Variants in THADA observed in about 807,000 individuals in gnomAD.
THADA encodes THADA armadillo repeat containing, also known as tRNA (32-2'-O)-methyltransferase regulator THADA.
Under a neutral mutation model 219.8 loss-of-function variants are expected in THADA, and 213 were observed. The observed-to-expected ratio is 0.97, with a 90% CI of 0.87 to 1.09. THADA has a LOEUF of 1.09. Among genes scored for constraint, THADA ranks in the 50% least tolerant of loss-of-function variants. The pLI is 0.00. For synonymous variants in THADA, 1,018 were observed against 828.9 expected (o/e 1.23, Z -3.92); for missense variants, 2,956 against 2,311.3 (o/e 1.28, Z -5.72).
intron 36 of THADA, among the ~76,000 whole-genome samples, chr2:43,240,846 T>A (rs1668545100): frequency 6.6e-6 from 1 of 152,156 alleles, no homozygotes; most frequent in South Asian, 2.1e-4. Context: ...ATTTAAAAAA[T>A]TTCATCAAAG....
intron 26 of THADA, among the ~76,000 whole-genome samples, chr2:43,457,251 C>T (rs528605472): frequency 1.2e-4 from 18 of 150,248 alleles, no homozygotes; most frequent in African/African-American, 4.2e-4. Context: ...TCTCACTCTC[C>T]TACTCACACA....
intron 26 of THADA, among the ~76,000 whole-genome samples, chr2:43,462,486 A>C (rs533516314): frequency 1.5e-3 from 231 of 152,332 alleles, no homozygotes; most frequent in African/African-American, 5.4e-3. Flanking sequence ...TTGATGTTTC[A>C]ATTTCAAACT....
chr2:43,337,674 C>G (rs969687948), intron 30 of THADA, among the ~76,000 whole-genome samples: 21 of 150,278 alleles, frequency 1.4e-4, no homozygotes, highest in African/African-American at 4.7e-4. Context: ...AAGGCAATAA[C>G]CCACAATCAC....
intron 26 of THADA, among the ~76,000 whole-genome samples, chr2:43,440,803 C>T (rs1005701986): frequency 1.3e-5 from 2 of 152,200 alleles, no homozygotes; most frequent in African/African-American, 4.8e-5. Flanking sequence ...GATCTAGAAA[C>T]TGCCTAATAG....
intron 22 of THADA, among the ~76,000 whole-genome samples, chr2:43,520,594 G>T (rs1289173305): frequency 6.6e-6 from 1 of 152,050 alleles, no homozygotes; most frequent in Non-Finnish European, 1.5e-5. Flanking sequence ...GGAAGCTGAG[G>T]TGAGAGGACT....
chr2:43,332,185 A>G (rs1244078144), intron 30 of THADA, among the ~76,000 whole-genome samples: 1 of 152,200 alleles, frequency 6.6e-6, no homozygotes, highest in Non-Finnish European at 1.5e-5. Context: ...TCCCAGGTTC[A>G]AACAATTCTT....
intron 28 of THADA, among the ~76,000 whole-genome samples, chr2:43,410,826 T>C (rs1676197187): frequency 6.6e-6 from 1 of 152,200 alleles, no homozygotes; most frequent in Non-Finnish European, 1.5e-5. Flanking sequence ...AAATATCAAA[T>C]TGTACACTTT....
At chr2:43,241,906 G>C (rs896035779) in intron 36 of THADA, among the ~76,000 whole-genome samples, 2 of 152,168 alleles carry the variant, frequency 1.3e-5, no homozygotes, top group African/African-American at 4.8e-5. Context: ...AGAGAACACT[G>C]AGTCCCTCAA....
chr2:43,554,710 T>C (rs917326096), intron 17 of THADA, among the ~76,000 whole-genome samples: 2 of 152,170 alleles, frequency 1.3e-5, no homozygotes, highest in Non-Finnish European at 2.9e-5. Flanking sequence ...GAGAGTGTAA[T>C]TTAAAAGCCT....
At chr2:43,473,711 C>T (rs1292583570) in intron 26 of THADA, among the ~76,000 whole-genome samples, 6 of 152,032 alleles carry the variant, frequency 3.9e-5, no homozygotes, top group Middle Eastern at 3.4e-3. Flanking sequence ...TGGGCTCAAG[C>T]GATTCTCCTG....
intron 26 of THADA, among the ~76,000 whole-genome samples, chr2:43,477,236 T>C (rs1166184172): frequency 2.0e-5 from 3 of 151,930 alleles, no homozygotes; most frequent in African/African-American, 7.3e-5. Flanking sequence ...TGGCAATATA[T>C]GTTCTTTGAG....
intron 22 of THADA, among the ~76,000 whole-genome samples, chr2:43,515,504 C>T (rs1021129366): frequency 7.0e-6 from 1 of 142,714 alleles, no homozygotes; most frequent in Non-Finnish European, 1.5e-5. Flanking sequence ...AAACAGTATA[C>T]AGAATGAAAA....
chr2:43,491,159 C>G (rs897961998), intron 25 of THADA, among the ~76,000 whole-genome samples: 5 of 152,100 alleles, frequency 3.3e-5, no homozygotes, highest in Non-Finnish European at 5.9e-5. Context: ...ATAAAGCTAA[C>G]AAGGAGGAAA....
intron 31 of THADA, among the ~76,000 whole-genome samples, chr2:43,317,139 T>G (rs1678173540): frequency 6.6e-6 from 1 of 152,200 alleles, no homozygotes; most frequent in South Asian, 2.1e-4. Flanking sequence ...GATCTAGGAT[T>G]CAAACCCAGA....
intron 22 of THADA, among the ~76,000 whole-genome samples, chr2:43,526,906 T>C (rs1270685954): frequency 6.6e-6 from 1 of 150,452 alleles, no homozygotes; most frequent in East Asian, 1.9e-4. Flanking sequence ...TGGAGTGTGT[T>C]GTGTTTTGAG....
intron 26 of THADA, among the ~76,000 whole-genome samples, chr2:43,445,671 T>A (rs961491613): frequency 6.6e-6 from 1 of 152,168 alleles, no homozygotes; most frequent in Non-Finnish European, 1.5e-5. Flanking sequence ...TTTTGGACTT[T>A]TTTTGTTTTT....
intron 17 of THADA, 108 bp downstream of exon 17, chr2:43,556,237 C>T: frequency 6.6e-7 from 1 of 1,515,994 alleles, no homozygotes; most frequent in Non-Finnish European, 8.8e-7. Context: ...TGCTGATAAA[C>T]TTTTAAATAA....
intron 25 of THADA, among the ~76,000 whole-genome samples, chr2:43,489,647 G>C (rs1687364974): frequency 6.6e-6 from 1 of 152,038 alleles, no homozygotes; most frequent in Non-Finnish European, 1.5e-5. Context: ...TTTCTCTACT[G>C]AATTGTCTTG....
intron 21 of THADA, among the ~76,000 whole-genome samples, chr2:43,538,771 T>A (rs755431957): frequency 6.6e-6 from 1 of 152,188 alleles, no homozygotes; most frequent in Non-Finnish European, 1.5e-5. Flanking sequence ...GAGAGCTGGA[T>A]AATATCATCT....
Sources: gnomAD v4.1 joint callset for allele counts (sites outside exome capture counted in the v4.1 genomes callset) on GRCh38, gnomAD v4.1.1 for gene constraint, MANE v1.5 for transcripts, NCBI Gene and HGNC (gene_info 2026-07-23, HGNC 2026-07-21) for gene names.